Variants in MYO16 observed in about 807,000 individuals in gnomAD.
The protein encoded by MYO16 is unconventional myosin-XVI.
In MYO16, 94 loss-of-function variants were observed where a neutral mutation model predicts 205.3. The observed-to-expected ratio is 0.46, with a 90% CI of 0.39 to 0.54. The LOEUF is 0.54. Among genes scored for constraint, MYO16 ranks in the 20% least tolerant of loss-of-function variants. The probability of loss-of-function intolerance (pLI) is 0.00; values close to 1 mark genes in which losing one functional copy is unlikely to be tolerated. For missense variants in MYO16, 2,315 were observed against 2,387.5 expected (o/e 0.97, Z 0.63); for synonymous variants, 988 against 954.0 (o/e 1.04, Z -0.66).
chr13:109,040,361 T>TACACACACAC lies in MYO16; in HGVS notation c.2797-6539_2797-6530dup, dbSNP rs367712905. On this transcript the variant is annotated intron_variant, in intron 23 of 34. Transcript: ENST00000457511. The stretch of plus-strand genomic sequence containing the variant: ...CACCAAAACCACACAGACAGTAGCA[T>TACACACACAC]ACACACACACACACACACACACACA... 3.6e-3 allele frequency among the ~76,000 whole-genome samples: 407 copies of TACACACACAC among 112,878 alleles called. 2 individuals carry two copies. The highest frequency in any genetic ancestry group is 0.014 in the African/African-American group (398 of 28,942). 74.1% of individuals were successfully genotyped at this position (112,878 alleles called of 152,430 possible).
At chr13:108,871,886 T>C (rs1165224425) in intron 12 of MYO16, among the ~76,000 whole-genome samples, 1 of 152,236 alleles carries the variant, frequency 6.6e-6, no homozygotes. Flanking sequence ...TTACTATCCC[T>C]GCCATTAGAT....
intron 14 of MYO16, among the ~76,000 whole-genome samples, chr13:108,896,431 C>T (rs868836118): frequency 6.6e-6 from 1 of 152,040 alleles, no homozygotes. Context: ...CTTTTATCAT[C>T]TTTAAAATTA....
intron 4 of MYO16, among the ~76,000 whole-genome samples, chr13:108,784,579 T>C (rs1050597658): frequency 6.6e-6 from 1 of 151,920 alleles, no homozygotes; most frequent in Non-Finnish European, 1.5e-5. Context: ...GTATAGAAAA[T>C]CTCTTTGCAA....
intron 21 of MYO16, among the ~76,000 whole-genome samples, chr13:109,000,607 A>C (rs770064293): frequency 1.4e-4 from 21 of 152,208 alleles, no homozygotes; most frequent in Non-Finnish European, 2.5e-4. Flanking sequence ...GTTTATTACT[A>C]AACAAGAAAA....
chr13:108,549,670 A>G, the MYO16 span, among the ~76,000 whole-genome samples: 3 of 152,204 alleles, frequency 2.0e-5, no homozygotes, highest in African/African-American at 7.2e-5. Flanking sequence ...AAAGACAGTT[A>G]TATTTGGTGG....
chr13:108,603,691 T>G (rs1340345891), intron 1 of MYO16, among the ~76,000 whole-genome samples: 1 of 152,180 alleles, frequency 6.6e-6, no homozygotes, highest in African/African-American at 2.4e-5. Flanking sequence ...TATTTAGCAG[T>G]TTGGTGGCTA....
intron 23 of MYO16, among the ~76,000 whole-genome samples, chr13:109,029,250 G>A (rs1886476224): frequency 6.6e-6 from 1 of 151,618 alleles, no homozygotes; most frequent in South Asian, 2.1e-4. Context: ...AAGTAGCTGG[G>A]ATTATAGGCG....
the MYO16 span, among the ~76,000 whole-genome samples, chr13:108,549,547 T>C: frequency 6.6e-6 from 1 of 151,942 alleles, no homozygotes. Context: ...CAATGCAACA[T>C]AAATAGAGTA....
At chr13:108,601,100 T>C (rs1333456897) in intron 1 of MYO16, among the ~76,000 whole-genome samples, 1 of 152,168 alleles carries the variant, frequency 6.6e-6, no homozygotes, top group African/African-American at 2.4e-5. Flanking sequence ...ACCACTTTTT[T>C]TGCGAGGTAG....
At chr13:108,929,692 TC>T (rs1882163480) in intron 16 of MYO16, among the ~76,000 whole-genome samples, 3 of 152,106 alleles carry the variant, frequency 2.0e-5, no homozygotes, top group Non-Finnish European at 4.4e-5. Flanking sequence ...GAGCACAAGG[TC>T]CTGCCTTCCA....
At chr13:109,172,740 C>A (rs755683250) in intron 33 of MYO16, among the ~76,000 whole-genome samples, 2 of 152,132 alleles carry the variant, frequency 1.3e-5, no homozygotes, top group Admixed American at 6.5e-5. Flanking sequence ...GAAATATTAC[C>A]TATACACAGT....
At chr13:108,831,534 CAG>C (rs937800272) in intron 9 of MYO16, among the ~76,000 whole-genome samples, 4 of 152,138 alleles carry the variant, frequency 2.6e-5, no homozygotes, top group Non-Finnish European at 5.9e-5. Flanking sequence ...TTTTTCCAGA[CAG>C]AGTTTCGCTC....
chr13:108,665,300 G>T (rs944783250), intron 1 of MYO16, among the ~76,000 whole-genome samples: 1 of 151,944 alleles, frequency 6.6e-6, no homozygotes, highest in East Asian at 1.9e-4. Context: ...TGGAGAGATG[G>T]GGGTCTTCCT....
At chr13:108,749,199 T>C (rs1220952658) in intron 4 of MYO16, among the ~76,000 whole-genome samples, 3 of 151,972 alleles carry the variant, frequency 2.0e-5, no homozygotes, top group African/African-American at 7.2e-5. Flanking sequence ...AATCCTCAAC[T>C]ATACAATATA....
chr13:108,785,509 C>T, intron 4 of MYO16, 126 bp from the exon 5 acceptor site: 1 of 493,412 alleles, frequency 2.0e-6, no homozygotes, highest in Non-Finnish European at 3.5e-6. Context: ...CTACCCGATT[C>T]TTCAGGGTGA....
intron 16 of MYO16, among the ~76,000 whole-genome samples, chr13:108,930,925 T>G (rs1882229591): frequency 6.6e-6 from 1 of 152,226 alleles, no homozygotes; most frequent in African/African-American, 2.4e-5. Context: ...CGTAACAGTT[T>G]AGATTAAATA....
intron 19 of MYO16, 124 bp from the exon 20 acceptor site, chr13:108,964,637 A>G (rs2139373617): frequency 9.5e-7 from 1 of 1,056,954 alleles, no homozygotes; most frequent in Non-Finnish European, 1.4e-6. Flanking sequence ...GAGAATCCGT[A>G]TAATTTTTAT....
intron 2 of MYO16, among the ~76,000 whole-genome samples, chr13:108,697,180 T>C (rs1421969159): frequency 1.3e-5 from 2 of 152,136 alleles, no homozygotes; most frequent in South Asian, 2.1e-4. Context: ...AGGACAACAA[T>C]AAAAGAAAAG....
intron 4 of MYO16, among the ~76,000 whole-genome samples, chr13:108,745,042 A>G (rs1468057234): frequency 6.6e-6 from 1 of 152,248 alleles, no homozygotes; most frequent in Non-Finnish European, 1.5e-5. Flanking sequence ...AAGATTTCTA[A>G]TTTCAAATCA....
Sources: allele counts gnomAD v4.1 joint callset (sites outside exome capture counted in the v4.1 genomes callset), GRCh38; gene constraint gnomAD v4.1.1; transcripts MANE v1.5; gene names NCBI Gene and HGNC (gene_info 2026-07-23, HGNC 2026-07-21).